The following THRB variants were observed in gnomAD, a reference collection of about 807,000 sequenced individuals.
The protein encoded by THRB is nuclear receptor subfamily 1 group A member 2.
THRB carries 12 observed loss-of-function variants against 47.8 expected under a neutral mutation model. The ratio of observed to expected loss-of-function variants is 0.25; its 90% CI spans 0.16 to 0.41. The LOEUF (loss-of-function observed/expected upper bound fraction) is 0.41. Ranked by LOEUF, THRB falls within the 10% of genes least tolerant of loss-of-function variation. The pLI is 1.00. For synonymous variants in THRB, 218 were observed against 212.2 expected (o/e 1.03, Z -0.24); for missense variants, 348 against 589.2 (o/e 0.59, Z 4.24).
chr3:24,232,344 T>C (rs1169578840), intron 3 of THRB, among the ~76,000 whole-genome samples: 1 of 152,220 alleles, frequency 6.6e-6, no homozygotes, highest in African/African-American at 2.4e-5. Context: ...TAAACTAACA[T>C]AGGGAGAGAA....
At chr3:24,464,896 G>T (rs1331654766) in intron 1 of THRB, among the ~76,000 whole-genome samples, 1 of 152,122 alleles carries the variant, frequency 6.6e-6, no homozygotes, top group Non-Finnish European at 1.5e-5. Flanking sequence ...CTTGCTCCAT[G>T]CTGTTATAGT....
At chr3:24,422,411 G>A (rs890305850) in intron 1 of THRB, among the ~76,000 whole-genome samples, 5 of 151,794 alleles carry the variant, frequency 3.3e-5, no homozygotes, top group Admixed American at 6.6e-5. Flanking sequence ...GGAGGTGAGT[G>A]GAAAAAGCCA....
At chr3:24,195,333 C>A (rs944885251) in intron 4 of THRB, among the ~76,000 whole-genome samples, 1 of 152,118 alleles carries the variant, frequency 6.6e-6, no homozygotes, top group Non-Finnish European at 1.5e-5. Context: ...TCCTCTTTGC[C>A]TTTTGTGCTA....
intron 1 of THRB, among the ~76,000 whole-genome samples, chr3:24,362,214 C>A: frequency 6.6e-6 from 1 of 152,124 alleles, no homozygotes; most frequent in East Asian, 1.9e-4. Context: ...GGCGAAGTCC[C>A]TTTCACAGTC....
intron 1 of THRB, among the ~76,000 whole-genome samples, chr3:24,389,359 G>A (rs2066378627): frequency 6.6e-6 from 1 of 152,150 alleles, no homozygotes; most frequent in Non-Finnish European, 1.5e-5. Context: ...AAACGCAAGA[G>A]TTGAGACTAT....
Position 24,257,027 on chromosome 3 carries a change from C to T in THRB, c.-42-28026G>A, listed in dbSNP as rs73148314. On this transcript the variant is annotated intron_variant, in intron 3 of 10. Transcript: ENST00000646209. Reference sequence around the variant, plus strand: ...CAGAAAGATAGGAGTTCTGGGTTCTCGGTTGTGATAGCTGTAACTTGTCAT... The same window carrying T: ...CAGAAAGATAGGAGTTCTGGGTTCTTGGTTGTGATAGCTGTAACTTGTCAT... Among the ~76,000 whole-genome samples, 490 of 152,186 alleles carry T rather than the reference C, an allele frequency of 3.2e-3. 1 individual carries two copies. The highest frequency in any genetic ancestry group is 0.011 in the African/African-American group (477 of 41,524).
chr3:24,201,423 G>A (rs867761032), intron 4 of THRB, among the ~76,000 whole-genome samples: 1 of 152,066 alleles, frequency 6.6e-6, no homozygotes, highest in Admixed American at 6.6e-5. Context: ...GCATCTCCTG[G>A]GAATTTGTTA....
chr3:24,379,665 T>C (rs982279067), intron 1 of THRB, among the ~76,000 whole-genome samples: 14 of 152,054 alleles, frequency 9.2e-5, no homozygotes, highest in African/African-American at 2.9e-4. Flanking sequence ...CTCAGCCCCA[T>C]AGAGCTGAGC....
chr3:24,436,300 T>C (rs2070941514), intron 1 of THRB, among the ~76,000 whole-genome samples: 1 of 151,606 alleles, frequency 6.6e-6, no homozygotes, highest in South Asian at 2.1e-4. Context: ...CCCAGCACTG[T>C]AAGGGAACAT....
chr3:24,277,303 T>A (rs939787237), intron 3 of THRB, among the ~76,000 whole-genome samples: 1 of 152,156 alleles, frequency 6.6e-6, no homozygotes, highest in Non-Finnish European at 1.5e-5. Context: ...CTGCTCAACA[T>A]CCTACAATAC....
intron 1 of THRB, among the ~76,000 whole-genome samples, chr3:24,456,250 G>C (rs952808932): frequency 3.3e-5 from 5 of 151,730 alleles, no homozygotes; most frequent in Admixed American, 2.6e-4. Flanking sequence ...CAGGAGGATT[G>C]CTTGACCCCA....
chr3:24,174,191 A>ATAGAT (rs2040833781), intron 5 of THRB, among the ~76,000 whole-genome samples: 1 of 152,058 alleles, frequency 6.6e-6, no homozygotes, highest in Non-Finnish European at 1.5e-5. Flanking sequence ...CATTTTTTTA[A>ATAGAT]TAGATGAAAA....
At chr3:24,419,273 C>T (rs911018887) in intron 1 of THRB, among the ~76,000 whole-genome samples, 7 of 151,850 alleles carry the variant, frequency 4.6e-5, no homozygotes, top group African/African-American at 1.7e-4. Flanking sequence ...CCCAGGTCAG[C>T]GACCCTAGCT....
intron 5 of THRB, among the ~76,000 whole-genome samples, chr3:24,180,420 G>A (rs1575636759): frequency 6.6e-6 from 1 of 152,212 alleles, no homozygotes; most frequent in Non-Finnish European, 1.5e-5. Flanking sequence ...AGTCACATAT[G>A]CAGCACAGCT....
intron 4 of THRB, among the ~76,000 whole-genome samples, chr3:24,219,808 A>G (rs931068737): frequency 6.6e-6 from 1 of 152,240 alleles, no homozygotes; most frequent in Non-Finnish European, 1.5e-5. Context: ...GGCACTTGTC[A>G]TTAGGTAAGA....
chr3:24,248,219 A>G (rs563277851), intron 3 of THRB, among the ~76,000 whole-genome samples: 6 of 152,242 alleles, frequency 3.9e-5, no homozygotes, highest in African/African-American at 1.4e-4. Context: ...GTAGGAGTAT[A>G]TACAAATGAA....
intron 7 of THRB, 54 bp downstream of exon 7, chr3:24,146,621 A>G: frequency 6.2e-7 from 1 of 1,602,000 alleles, no homozygotes; most frequent in Non-Finnish European, 8.6e-7. Context: ...CCTTGAACCA[A>G]ACTGTTTCCT....
chr3:24,124,698 C>A (rs929332851), intron 10 of THRB, among the ~76,000 whole-genome samples: 17 of 152,118 alleles, frequency 1.1e-4, no homozygotes, highest in Admixed American at 7.2e-4. Context: ...CACTGTGGGA[C>A]CAAGGAACTT....
intron 3 of THRB, among the ~76,000 whole-genome samples, chr3:24,285,495 G>A (rs180757793): frequency 0.018 from 2,740 of 150,652 alleles, 69 homozygotes; most frequent in African/African-American, 0.063. Context: ...GGACGAGTTA[G>A]TGGGTGCAGC....
Sources: allele counts gnomAD v4.1 joint callset (sites outside exome capture counted in the v4.1 genomes callset), GRCh38; gene constraint gnomAD v4.1.1; transcripts MANE v1.5; gene names NCBI Gene and HGNC (gene_info 2026-07-23, HGNC 2026-07-21).